The following LIMS1 variants were observed in gnomAD, a reference collection of about 807,000 sequenced individuals.
LIMS1 encodes the protein LIM and senescent cell antigen-like-containing domain protein 1.
LIMS1 carries 18 observed loss-of-function variants against 44.1 expected under a neutral mutation model. The ratio of observed to expected loss-of-function variants is 0.41; its 90% CI spans 0.28 to 0.61. The LOEUF is 0.61. Ranked by LOEUF, LIMS1 falls within the 20% of genes least tolerant of loss-of-function variation. The pLI is 0.32. For synonymous variants in LIMS1, 93 were observed against 149.1 expected (o/e 0.62, Z 2.74); for missense variants, 201 against 422.0 (o/e 0.48, Z 4.59).
At chr2:108,636,214 G>A (rs1573512137) in intron 1 of LIMS1, among the ~76,000 whole-genome samples, 1 of 152,320 alleles carries the variant, frequency 6.6e-6, no homozygotes, top group East Asian at 1.9e-4. Context: ...CAGAAAAGTC[G>A]CTGGCACAGA....
intron 1 of LIMS1, among the ~76,000 whole-genome samples, chr2:108,558,975 A>T (rs1158779241): frequency 1.3e-5 from 2 of 152,150 alleles, no homozygotes; most frequent in Non-Finnish European, 2.9e-5. Context: ...CCGGCCAAGA[A>T]CATATTTAAA....
Position 108,658,648 on chromosome 2 carries a change from T to C in LIMS1, c.33-957T>C, listed in dbSNP as rs1235202952. ...CCATGTTGCTTTCCTTCTTCCAAAC[T>C]GCACAGTGGTTAGAGCCTGAGATTA... On this transcript the variant is annotated intron_variant, in intron 1 of 9. Transcript: ENST00000544547. 2.6e-5 allele frequency among the ~76,000 whole-genome samples: 4 copies of C among 152,292 alleles called. No homozygotes were observed. The South Asian group carries it at 6.2e-4, about 24-fold the overall frequency.
intron 5 of LIMS1, among the ~76,000 whole-genome samples, chr2:108,675,071 G>T (rs143358221): frequency 0.029 from 4,430 of 152,136 alleles, 146 homozygotes; most frequent in South Asian, 0.14. Context: ...ATTTTCAACA[G>T]CTTGTGACAA....
At chr2:108,637,828 G>GA (rs1689378656) in intron 1 of LIMS1, among the ~76,000 whole-genome samples, 1 of 150,636 alleles carries the variant, frequency 6.6e-6, no homozygotes. Flanking sequence ...AATGGTCAGA[G>GA]AAAAATCACC....
At chr2:108,676,133 C>T (rs1692546795) in intron 6 of LIMS1, 105 bp downstream of exon 6, 1 of 1,363,948 alleles carries the variant, frequency 7.3e-7, no homozygotes, top group African/African-American at 1.5e-5. Context: ...CCAGTACTTT[C>T]AAATCTTCAT....
intron 8 of LIMS1, 91 bp from the exon 9 acceptor site, chr2:108,680,604 G>A (rs1038999988): frequency 2.9e-5 from 45 of 1,571,396 alleles, no homozygotes; most frequent in African/African-American, 4.1e-5. Flanking sequence ...AGACACAGTC[G>A]TAGTTCTGTT....
intron 1 of LIMS1, among the ~76,000 whole-genome samples, chr2:108,565,835 T>A (rs971032081): frequency 2.0e-5 from 3 of 152,190 alleles, no homozygotes; most frequent in Non-Finnish European, 4.4e-5. Context: ...CCTTGAAGGC[T>A]GTGGCTTCAC....
chr2:108,629,716 AT>A (rs1264415122), intron 1 of LIMS1, among the ~76,000 whole-genome samples: 1 of 152,270 alleles, frequency 6.6e-6, no homozygotes, highest in East Asian at 1.9e-4. Flanking sequence ...TTAAAGAGTC[AT>A]TTTTTTCCCA....
intron 1 of LIMS1, among the ~76,000 whole-genome samples, chr2:108,595,127 C>T (rs1308310742): frequency 2.0e-5 from 3 of 152,118 alleles, no homozygotes; most frequent in Non-Finnish European, 4.4e-5. Flanking sequence ...TCATACCGAC[C>T]TTTATCACCA....
At chr2:108,617,592 A>T (rs1236375920) in intron 1 of LIMS1, among the ~76,000 whole-genome samples, 1 of 152,242 alleles carries the variant, frequency 6.6e-6, no homozygotes, top group Non-Finnish European at 1.5e-5. Context: ...CAACTAAAAC[A>T]TAAAGCTTGT....
chr2:108,659,752 A>G (rs1403039113), exon 2 of LIMS1: 1 of 1,612,220 alleles, frequency 6.2e-7, no homozygotes, highest in Non-Finnish European at 8.5e-7. Context: ...TCCCAGAAGG[A>G]CTCTTCTATG....
At chr2:108,563,481 A>G (rs1188272102) in intron 1 of LIMS1, among the ~76,000 whole-genome samples, 1 of 152,148 alleles carries the variant, frequency 6.6e-6, no homozygotes, top group East Asian at 1.9e-4. Flanking sequence ...TCGGGGGCTC[A>G]AGACTTCAGT....
intron 1 of LIMS1, among the ~76,000 whole-genome samples, chr2:108,575,667 C>G (rs770958032): frequency 2.6e-5 from 4 of 152,142 alleles, no homozygotes; most frequent in Non-Finnish European, 4.4e-5. Context: ...TGCTGCAGCC[C>G]ACCTCTTGTT....
chr2:108,589,460 C>A (rs1686270598), intron 1 of LIMS1, among the ~76,000 whole-genome samples: 1 of 152,168 alleles, frequency 6.6e-6, no homozygotes, highest in South Asian at 2.1e-4. Flanking sequence ...TACCTGTTGA[C>A]AAACTCTTAG....
intron 1 of LIMS1, among the ~76,000 whole-genome samples, chr2:108,548,691 G>A (rs1558782336): frequency 6.6e-6 from 1 of 152,156 alleles, no homozygotes. Flanking sequence ...CTGGCAAAGG[G>A]TCATTTTGGG....
intron 1 of LIMS1, among the ~76,000 whole-genome samples, chr2:108,616,683 G>A (rs996607284): frequency 7.9e-5 from 12 of 152,096 alleles, no homozygotes; most frequent in African/African-American, 2.9e-4. Context: ...AGTTTTTGTG[G>A]ACAGATGCTT....
intron 1 of LIMS1, among the ~76,000 whole-genome samples, chr2:108,607,936 C>T (rs902158122): frequency 6.6e-6 from 1 of 152,154 alleles, no homozygotes; most frequent in Non-Finnish European, 1.5e-5. Context: ...AGGCGCAGTG[C>T]TTTGAAACTT....
chr2:108,632,099 G>A (rs561147571), intron 1 of LIMS1, among the ~76,000 whole-genome samples: 71 of 152,232 alleles, frequency 4.7e-4, no homozygotes, highest in Non-Finnish European at 8.1e-4. Flanking sequence ...AGCCTCCTGA[G>A]TAGCTGGGAG....
chr2:108,551,387 A>G (rs1430143360), intron 1 of LIMS1, among the ~76,000 whole-genome samples: 1 of 146,322 alleles, frequency 6.8e-6, no homozygotes, highest in Non-Finnish European at 1.5e-5. Context: ...ATAACTGTAT[A>G]TTTTATATTT....
Sources: gnomAD v4.1 joint callset for allele counts (sites outside exome capture counted in the v4.1 genomes callset) on GRCh38, gnomAD v4.1.1 for gene constraint, MANE v1.5 for transcripts, NCBI Gene and HGNC (gene_info 2026-07-23, HGNC 2026-07-21) for gene names.